PATJ: variants seen among roughly 807,000 people sequenced by gnomAD.
The protein encoded by PATJ is inaD-like protein.
Under a neutral mutation model 224.9 loss-of-function variants are expected in PATJ, and 190 were observed. That is an observed-to-expected ratio of 0.84 (90% CI 0.75 to 0.95). The LOEUF (loss-of-function observed/expected upper bound fraction) is 0.95. Ranked by LOEUF, PATJ falls within the 40% of genes least tolerant of loss-of-function variation. The pLI is 0.00. For synonymous variants in PATJ, 769 were observed against 820.3 expected, an observed-to-expected ratio of 0.94 and a Z score of 1.07; for missense variants, 2,121 against 2,270.3, an observed-to-expected ratio of 0.93 and a Z score of 1.34.
chr1:61,962,235 G>C (rs1681419893), intron 27 of PATJ, among the ~76,000 whole-genome samples: 1 of 152,042 alleles, frequency 6.6e-6, no homozygotes, highest in Admixed American at 6.6e-5. Context: ...AGTCTATCTT[G>C]ATTAATTTTT....
In PATJ at chr1:61,914,597, AC is replaced by A; in HGVS notation, c.3504del (p.Asn1168LysfsTer32). 6.5e-7 allele frequency: 1 copy of A among 1,538,588 alleles called. No homozygotes were observed. The highest frequency in any genetic ancestry group is 2.3e-5 in the East Asian group (1 of 44,442). Reference sequence around the variant, plus strand: ...TTTTTGTCACCATAGGTCATTCCTAACGTACATAACAAGGCCAACAAAATCA... The same window carrying A: ...TTTTTGTCACCATAGGTCATTCCTAAGTACATAACAAGGCCAACAAAATCA... ...SLSSTPRVIP[N>X]VHNKANKITG... On this transcript the variant is annotated frameshift_variant, in exon 26 of 44. Transcript: ENST00000642238. LOFTEE classifies it high-confidence loss of function.
intron 26 of PATJ, among the ~76,000 whole-genome samples, chr1:61,920,280 C>T (rs1674093605): frequency 4.6e-5 from 7 of 152,154 alleles, no homozygotes; most frequent in Admixed American, 4.6e-4. Flanking sequence ...ACCTTGAATT[C>T]TCAAGTGTTG....
intron 28 of PATJ, among the ~76,000 whole-genome samples, chr1:62,001,581 C>A (rs1390542190): frequency 6.6e-6 from 1 of 151,264 alleles, no homozygotes; most frequent in African/African-American, 2.4e-5. Context: ...CATGCTGTTA[C>A]TGTAGCCTTG....
At position 61,766,379 on chromosome 1, in the gene PATJ, G is replaced by A. The variant is rs774360860; in HGVS notation, c.290G>A (p.Arg97Lys). 3 of 1,611,602 alleles carry A rather than the reference G, an allele frequency of 1.9e-6. No homozygotes were observed. The highest frequency in any genetic ancestry group is 1.3e-5 in the African/African-American group (1 of 74,904). The part of the protein sequence containing the change: ...DGSITNGNVH[R>K]PSNNSTVSGL... ...TCCATCACTAATGGAAATGTCCACA[G>A]GCCCTCTAATAACTCGACTGTATCT... The change falls in exon 4 of 44, where the codon AGG becomes AAG. Residue 97 changes from arginine to lysine, a missense_variant. Transcript: ENST00000642238.
At chr1:61,854,692 A>G (rs1420028304) in intron 17 of PATJ, among the ~76,000 whole-genome samples, 1 of 152,176 alleles carries the variant, frequency 6.6e-6, no homozygotes, top group Non-Finnish European at 1.5e-5. Context: ...AAACACAGAC[A>G]ATAAATTTGC....
intron 33 of PATJ, among the ~76,000 whole-genome samples, chr1:62,094,592 CACACACACACACACACAG>C (rs1240287604): frequency 4.9e-5 from 6 of 121,476 alleles, no homozygotes; most frequent in African/African-American, 1.9e-4. Flanking sequence ...CACACACACA[CACACACACACACACACAG>C]AGATGTTAGT....
intron 31 of PATJ, among the ~76,000 whole-genome samples, chr1:62,060,508 C>T (rs933605652): frequency 6.6e-6 from 1 of 152,124 alleles, no homozygotes; most frequent in Non-Finnish European, 1.5e-5. Context: ...GCTAGGACTA[C>T]AGGCGCACAG....
intron 23 of PATJ, among the ~76,000 whole-genome samples, chr1:61,900,752 G>C (rs1671042784): frequency 6.6e-6 from 1 of 152,096 alleles, no homozygotes; most frequent in South Asian, 2.1e-4. Context: ...ACTACGCCCG[G>C]CTAATTTTTT....
chr1:62,153,381 C>G lies in PATJ; in HGVS notation c.5402C>G (p.Thr1801Ser). The G allele has an allele frequency of 8.1e-7, 1 of 1,231,584 alleles. No homozygotes were observed. The highest frequency in any genetic ancestry group is 1.0e-6 in the Non-Finnish European group (1 of 987,490). 76.3% of individuals were successfully genotyped at this position (1,231,584 alleles called of 1,614,324 possible). ...AGAACACCTCCACCTAAGATTATTA[C>G]TTTGGAGAAAGGCTCTGAAGGCTTG... ...DTETPPPKII[T>S]LEKGSEGLGF... The change falls in exon 43 of 44, where the codon ACT (threonine) becomes AGT (serine). Residue 1801 changes from threonine to serine, a missense_variant. Thr to Ser is a moderately conservative substitution (Grantham distance 58). Transcript: ENST00000642238.
At chr1:61,847,268 G>A (rs574875244) in intron 17 of PATJ, among the ~76,000 whole-genome samples, 8 of 152,296 alleles carry the variant, frequency 5.3e-5, no homozygotes, top group African/African-American at 1.9e-4. Context: ...AGCTTTATAG[G>A]ATAAAAGTAT....
chr1:61,955,438 A>G (rs1216353104), intron 27 of PATJ, among the ~76,000 whole-genome samples: 1 of 152,174 alleles, frequency 6.6e-6, no homozygotes, highest in Non-Finnish European at 1.5e-5. Context: ...TTGGAGTCCA[A>G]GCTCCAGACT....
At chr1:61,829,592 T>C (rs547409566) in intron 16 of PATJ, among the ~76,000 whole-genome samples, 1 of 152,378 alleles carries the variant, frequency 6.6e-6, no homozygotes, top group African/African-American at 2.4e-5. Flanking sequence ...ACAGGAGTTA[T>C]GCAGAATTGA....
At chr1:61,798,750 G>A (rs1444166885) in intron 11 of PATJ, among the ~76,000 whole-genome samples, 1 of 149,666 alleles carries the variant, frequency 6.7e-6, no homozygotes, top group Non-Finnish European at 1.5e-5. Flanking sequence ...CATTAGCCGG[G>A]CCTGGTGGCA....
At chr1:61,852,278 CAT>C (rs1436472718) in intron 17 of PATJ, among the ~76,000 whole-genome samples, 15 of 151,984 alleles carry the variant, frequency 9.9e-5, no homozygotes, top group South Asian at 2.1e-4. Context: ...TCCCATAGTA[CAT>C]GTTTCTCATG....
At chr1:61,848,227 A>G (rs1276905319) in intron 17 of PATJ, among the ~76,000 whole-genome samples, 2 of 152,222 alleles carry the variant, frequency 1.3e-5, no homozygotes, top group South Asian at 2.1e-4. Context: ...GTGAAACTCT[A>G]CACATCCAGG....
At chr1:61,757,543 A>C (rs1645719767) in intron 1 of PATJ, among the ~76,000 whole-genome samples, 1 of 150,994 alleles carries the variant, frequency 6.6e-6, no homozygotes, top group Admixed American at 6.6e-5. Flanking sequence ...GCACCATCAC[A>C]CCCAGCTAAT....
At chr1:62,034,885 A>T (rs532236001) in intron 29 of PATJ, among the ~76,000 whole-genome samples, 3 of 152,320 alleles carry the variant, frequency 2.0e-5, no homozygotes, top group South Asian at 4.1e-4. Context: ...GTTCATCACG[A>T]TCTCTCAATA....
chr1:62,029,613 C>G (rs1648805584), intron 29 of PATJ, among the ~76,000 whole-genome samples: 1 of 151,948 alleles, frequency 6.6e-6, no homozygotes, highest in Non-Finnish European at 1.5e-5. Context: ...TATGTGCATC[C>G]AAAAATACAG....
chr1:61,793,990 T>C (rs12142837), intron 9 of PATJ, among the ~76,000 whole-genome samples: 148,717 of 148,718 alleles, frequency 1, 74,358 homozygotes, highest in Non-Finnish European at 1. Flanking sequence ...GCAACCTCCA[T>C]CTCCCAGGTT....
Sources: gnomAD v4.1 joint callset for allele counts (sites outside exome capture counted in the v4.1 genomes callset) on GRCh38, gnomAD v4.1.1 for gene constraint, MANE v1.5 for transcripts, NCBI Gene and HGNC (gene_info 2026-07-23, HGNC 2026-07-21) for gene names.